Variants in NEK7 observed in about 807,000 individuals in gnomAD.
NEK7 encodes serine/threonine-protein kinase Nek7.
A neutral mutation model predicts 44.6 loss-of-function variants in NEK7; 18 were observed. The observed-to-expected ratio is 0.40, with a 90% CI of 0.28 to 0.60. The LOEUF is 0.60. Among genes scored for constraint, NEK7 ranks in the 20% least tolerant of loss-of-function variants. NEK7 has a pLI of 0.38. For missense variants in NEK7, 256 were observed against 366.5 expected (o/e 0.70, Z 2.46); for synonymous variants, 130 against 121.1 (o/e 1.07, Z -0.48).
chr1:198,310,975 A>G (rs1655165014), intron 9 of NEK7, among the ~76,000 whole-genome samples: 1 of 149,084 alleles, frequency 6.7e-6, no homozygotes. Flanking sequence ...TTCTGTGAAG[A>G]AAGTCATTGG....
intron 2 of NEK7, among the ~76,000 whole-genome samples, chr1:198,237,801 A>C (rs1238628141): frequency 1.3e-5 from 2 of 152,160 alleles, no homozygotes; most frequent in African/African-American, 4.8e-5. Context: ...TTCTTCAAGT[A>C]TATATTTTAA....
chr1:198,272,657 C>G (rs1035296035), intron 5 of NEK7, among the ~76,000 whole-genome samples: 1 of 151,774 alleles, frequency 6.6e-6, no homozygotes, highest in East Asian at 1.9e-4. Flanking sequence ...TACTCTGATG[C>G]AATAGAGAAA....
At position 198,223,331 on chromosome 1, in the gene NEK7, T is replaced by C. The variant is rs147374331; in HGVS notation, c.-28-9222T>C. 1.8e-4 allele frequency among the ~76,000 whole-genome samples: 28 copies of C among 152,338 alleles called. No individual in the cohort carries two copies. In the East Asian group the frequency reaches 5.2e-3, roughly 28 times the overall value. ...GAGGAACATGAACAAATTTCAGATA[T>C]ATTTTGGAAGTAGAACAAATGATGC... On this transcript the variant is annotated intron_variant, in intron 1 of 9. Transcript: ENST00000367385.
chr1:198,214,398 G>A (rs1665859527), intron 1 of NEK7, among the ~76,000 whole-genome samples: 1 of 152,130 alleles, frequency 6.6e-6, no homozygotes, highest in Non-Finnish European at 1.5e-5. Context: ...GGAGATACAA[G>A]AGAGAGATGC....
chr1:198,313,289 T>C (rs572394619), intron 9 of NEK7, among the ~76,000 whole-genome samples: 259 of 152,194 alleles, frequency 1.7e-3, no homozygotes, highest in Middle Eastern at 6.8e-3. Flanking sequence ...TTCGATTTGC[T>C]TGGTAGATCT....
At chr1:198,202,016 A>G (rs1324170140) in intron 1 of NEK7, among the ~76,000 whole-genome samples, 1 of 152,198 alleles carries the variant, frequency 6.6e-6, no homozygotes, top group Non-Finnish European at 1.5e-5. Context: ...AAAGTTTCAT[A>G]TCTTAGGACA....
chr1:198,317,085 G>A (rs910856714), intron 9 of NEK7, among the ~76,000 whole-genome samples: 10 of 152,002 alleles, frequency 6.6e-5, no homozygotes, highest in Admixed American at 5.9e-4. Flanking sequence ...ACAAATAATT[G>A]AGGAAAAGTT....
intron 7 of NEK7, among the ~76,000 whole-genome samples, chr1:198,290,969 A>G (rs759429792): frequency 6.6e-6 from 1 of 152,166 alleles, no homozygotes; most frequent in Non-Finnish European, 1.5e-5. Flanking sequence ...ATTCCTAATC[A>G]TTCTTTTCCT....
intron 9 of NEK7, among the ~76,000 whole-genome samples, chr1:198,305,459 G>T (rs1351256756): frequency 6.6e-6 from 1 of 151,916 alleles, no homozygotes; most frequent in African/African-American, 2.4e-5. Context: ...AGATGTCTAA[G>T]ATCTTTATCT....
chr1:198,265,585 C>T (rs891446013), intron 5 of NEK7, among the ~76,000 whole-genome samples: 1 of 152,052 alleles, frequency 6.6e-6, no homozygotes, highest in African/African-American at 2.4e-5. Context: ...ATTTGGCTTT[C>T]TCTGGTTGGT....
intron 2 of NEK7, among the ~76,000 whole-genome samples, chr1:198,252,733 T>A (rs1465294688): frequency 1.3e-5 from 2 of 150,984 alleles, no homozygotes; most frequent in Non-Finnish European, 2.9e-5. Flanking sequence ...AAAACATGTA[T>A]GTATGTTTTA....
chr1:198,268,769 C>A (rs973124279), intron 5 of NEK7, among the ~76,000 whole-genome samples: 2 of 152,076 alleles, frequency 1.3e-5, no homozygotes, highest in African/African-American at 4.8e-5. Flanking sequence ...ATTCACATAT[C>A]CCAAGTGCCT....
chr1:198,252,528 C>CTATAGATA (rs1553253584), intron 2 of NEK7, among the ~76,000 whole-genome samples: 3 of 32,692 alleles, frequency 9.2e-5, no homozygotes, highest in Non-Finnish European at 1.5e-4. Context: ...ATCTCACATA[C>CTATAGATA]TATATATATA....
intron 1 of NEK7, among the ~76,000 whole-genome samples, chr1:198,164,944 T>A (rs1571493804): frequency 6.6e-6 from 1 of 152,348 alleles, no homozygotes; most frequent in Non-Finnish European, 1.5e-5. Context: ...TATGGAATAT[T>A]CTAAATCCTA....
In NEK7 at chr1:198,194,434, T is replaced by A. The variant is rs569494435; in HGVS notation, c.-29+37158T>A. On this transcript the variant is annotated intron_variant, in intron 1 of 9. Transcript: ENST00000367385. The stretch of plus-strand genomic sequence containing the variant: ...ACCCATTAGTTATTTTTTCTGATTC[T>A]CTCCCTCCTCCCACCCTTCACCCTC... Among the ~76,000 whole-genome samples, 4 of 152,104 alleles carry A rather than the reference T, an allele frequency of 2.6e-5. No homozygotes were observed. In the South Asian group the frequency reaches 8.3e-4, roughly 32 times the overall value.
intron 3 of NEK7, among the ~76,000 whole-genome samples, chr1:198,256,820 G>T (rs1283662995): frequency 2.6e-5 from 4 of 152,152 alleles, no homozygotes; most frequent in Non-Finnish European, 4.4e-5. Context: ...CGTGAGCTGG[G>T]TCTCAAAACT....
chr1:198,262,209 A>G (rs1166353831), intron 3 of NEK7, among the ~76,000 whole-genome samples: 4 of 151,946 alleles, frequency 2.6e-5, no homozygotes, highest in African/African-American at 9.7e-5. Context: ...AAATGGGAAT[A>G]CTACTATTAT....
intron 9 of NEK7, among the ~76,000 whole-genome samples, chr1:198,309,218 G>A (rs1210686393): frequency 2.0e-5 from 3 of 152,096 alleles, no homozygotes; most frequent in Non-Finnish European, 4.4e-5. Flanking sequence ...AGAGCTAGGG[G>A]TTTTGAGGGA....
chr1:198,167,197 G>A (rs1443832953), intron 1 of NEK7, among the ~76,000 whole-genome samples: 1 of 152,132 alleles, frequency 6.6e-6, no homozygotes, highest in Non-Finnish European at 1.5e-5. Context: ...TGACATGCAG[G>A]TTCTTCCTAT....
Sources: gnomAD v4.1 joint callset for allele counts (sites outside exome capture counted in the v4.1 genomes callset) on GRCh38, gnomAD v4.1.1 for gene constraint, MANE v1.5 for transcripts, NCBI Gene and HGNC (gene_info 2026-07-23, HGNC 2026-07-21) for gene names.